Variants in GREB1 observed in about 807,000 individuals in gnomAD.
The protein encoded by GREB1 is growth regulating estrogen receptor binding 1, also known as protein GREB1.
Under a neutral mutation model 200.7 loss-of-function variants are expected in GREB1, and 106 were observed. The observed-to-expected ratio is 0.53, with a 90% CI of 0.45 to 0.62. The LOEUF (loss-of-function observed/expected upper bound fraction) is 0.62, where lower values mean the gene tolerates loss of function less well. GREB1 is among the 20% of genes least tolerant of loss of function. GREB1 has a pLI of 0.00. For synonymous variants in GREB1, 1,132 were observed against 1,092.4 expected (o/e 1.04, Z -0.72); for missense variants, 2,243 against 2,556.8 (o/e 0.88, Z 2.65).
At chr2:11,500,074 C>T (rs13018339) in intron 1 of GREB1, among the ~76,000 whole-genome samples, 73,639 of 151,940 alleles carry the variant, frequency 0.48, 18,494 homozygotes, top group East Asian at 0.66. Context: ...CTCTGCCTCC[C>T]GGGTTCGAGC....
intron 7 of GREB1, among the ~76,000 whole-genome samples, chr2:11,583,850 ACT>A (rs10560570): frequency 0.19 from 28,298 of 151,034 alleles, 3,395 homozygotes; most frequent in African/African-American, 0.35. Context: ...CAAGAGCGAG[ACT>A]CTGTCTCGAA....
intron 1 of GREB1, among the ~76,000 whole-genome samples, chr2:11,501,836 C>T (rs540678070): frequency 6.8e-6 from 1 of 147,252 alleles, no homozygotes; most frequent in East Asian, 2.0e-4. Flanking sequence ...ACTCAGAGTT[C>T]CCTTTTTATT....
At position 11,493,870 on chromosome 2, in the gene GREB1, A is replaced by T. The variant is rs1672822125; in HGVS notation, c.-159+11489A>T. ...GATGTAAGGTATTGCTGTTATCCTT[A>T]CAAATGGCTACAGACATGAGACAGG... On this transcript the variant is annotated intron_variant, in intron 1 of 2. Coordinates refer to the GREB1 transcript ENST00000628795. The surrounding 1 kb of genome is among the most constrained non-coding windows in gnomAD (Gnocchi z 4.6). Among the ~76,000 whole-genome samples the T allele has an allele frequency of 6.6e-6, 1 of 152,216 alleles. No homozygotes were observed. Among genetic ancestry groups the T allele is most frequent in the Admixed American group, 6.5e-5 (1 of 15,284 alleles).
intron 22 of GREB1, among the ~76,000 whole-genome samples, chr2:11,619,870 T>A (rs1683854877): frequency 6.6e-6 from 1 of 152,204 alleles, no homozygotes; most frequent in Non-Finnish European, 1.5e-5. Context: ...CATATTTTCC[T>A]CTGTAAAGTT....
intron 18 of GREB1, among the ~76,000 whole-genome samples, chr2:11,611,455 A>T (rs1238924338): frequency 1.3e-5 from 2 of 152,154 alleles, no homozygotes; most frequent in Non-Finnish European, 2.9e-5. Context: ...TGGAACCACC[A>T]GCGTGTGCCA....
chr2:11,537,716 TATG>T (rs966404982), intron 1 of GREB1, among the ~76,000 whole-genome samples: 130 of 147,466 alleles, frequency 8.8e-4, no homozygotes, highest in Middle Eastern at 3.6e-3. Flanking sequence ...TAGATAAATA[TATG>T]ATATTTATAT....
At chr2:11,517,754 C>T (rs1297166396) in intron 1 of GREB1, among the ~76,000 whole-genome samples, 2 of 152,134 alleles carry the variant, frequency 1.3e-5, no homozygotes, top group Non-Finnish European at 2.9e-5. Flanking sequence ...CGGGTTCATG[C>T]CATTCTCCTG....
chr2:11,582,583 C>T (rs972548067), intron 7 of GREB1, among the ~76,000 whole-genome samples: 2 of 152,196 alleles, frequency 1.3e-5, no homozygotes, highest in Admixed American at 6.5e-5. Context: ...CCCAGCCGTC[C>T]CAGGCTCAGT....
chr2:11,588,991 C>G, intron 10 of GREB1, 60 bp downstream of exon 10: 3 of 1,398,514 alleles, frequency 2.1e-6, no homozygotes, highest in Non-Finnish European at 3.0e-6. Flanking sequence ...GAGCACAGAC[C>G]TGGCCTCGGC....
intron 1 of GREB1, among the ~76,000 whole-genome samples, chr2:11,506,476 G>C (rs1673186038): frequency 6.6e-6 from 1 of 152,180 alleles, no homozygotes; most frequent in Non-Finnish European, 1.5e-5. Flanking sequence ...AGACCAGTGG[G>C]CATTTTGTTC....
chr2:11,506,695 G>T (rs1426448454), intron 1 of GREB1, among the ~76,000 whole-genome samples: 1 of 152,152 alleles, frequency 6.6e-6, no homozygotes, highest in Non-Finnish European at 1.5e-5. Flanking sequence ...TGTGTGCTAG[G>T]GATGAGATCA....
At chr2:11,503,748 T>C (rs1161205063) in intron 1 of GREB1, among the ~76,000 whole-genome samples, 1 of 152,232 alleles carries the variant, frequency 6.6e-6, no homozygotes, top group Non-Finnish European at 1.5e-5. Flanking sequence ...ATGAGATTGC[T>C]CACGTCTGGT....
At chr2:11,565,364 A>G (rs1558553158) in intron 3 of GREB1, among the ~76,000 whole-genome samples, 6 of 152,300 alleles carry the variant, frequency 3.9e-5, no homozygotes, top group Admixed American at 2.0e-4. Context: ...CCAGGGGCAC[A>G]TGGGAAACCA....
At chr2:11,516,758 C>A (rs1419367386) in intron 1 of GREB1, among the ~76,000 whole-genome samples, 1 of 152,214 alleles carries the variant, frequency 6.6e-6, no homozygotes, top group East Asian at 1.9e-4. Context: ...AGACCTGCAC[C>A]CAAGTTACCT....
At chr2:11,498,977 T>C (rs965651005) in intron 1 of GREB1, among the ~76,000 whole-genome samples, 3 of 152,160 alleles carry the variant, frequency 2.0e-5, no homozygotes, top group African/African-American at 7.2e-5. Flanking sequence ...TTTTAAAAAA[T>C]GGTTATGATT....
chr2:11,636,279 C>G lies in GREB1; in HGVS notation c.5346+874C>G, dbSNP rs73915450. ...TTGTTGTTTAATCAGGGAGAACAGA[C>G]ACCTTTACCAGGGTCTCCACCAAAG... On this transcript the variant is annotated intron_variant, in intron 30 of 32. Coordinates refer to ENST00000381486, the MANE Select transcript of GREB1 (RefSeq NM_014668.4). Among the ~76,000 whole-genome samples the G allele has an allele frequency of 9.5e-3, 1,440 of 152,354 alleles. 26 individuals carry two copies. The highest frequency in any genetic ancestry group is 0.033 in the African/African-American group (1,370 of 41,580).
At chr2:11,526,188 A>C (rs1673868934) in intron 1 of GREB1, among the ~76,000 whole-genome samples, 1 of 152,174 alleles carries the variant, frequency 6.6e-6, no homozygotes, top group Non-Finnish European at 1.5e-5. Flanking sequence ...GTTCTTCTGC[A>C]CTCATCTTTG....
At position 11,618,168 on chromosome 2, in the gene GREB1, G is replaced by GGGACGAGTCGCCCCTGAGATGGGCC; in HGVS notation, c.3413-120_3413-119insGGACGAGTCGCCCCTGAGATGGGCC. 4.4e-6 allele frequency: 3 copies of GGGACGAGTCGCCCCTGAGATGGGCC among 677,234 alleles called. 1 individual carries two copies. In the South Asian group the frequency reaches 9.9e-5, roughly 22 times the overall value. The allele number at this position is 677,234 out of a possible 1,614,324, so 42.0% of individuals were successfully genotyped here. On this transcript the variant is annotated intron_variant, in intron 21 of 32. Coordinates refer to ENST00000381486, the MANE Select transcript of GREB1 (RefSeq NM_014668.4). ...GGGACAGGTCACTCCTGGGATGGGT[G>GGGACGAGTCGCCCCTGAGATGGGCC]ACTCCTGGGACAGGTCACTCCTGGG...
chr2:11,508,887 TTTTTC>T (rs1337390277), intron 1 of GREB1, among the ~76,000 whole-genome samples: 17 of 148,416 alleles, frequency 1.1e-4, no homozygotes, highest in Admixed American at 4.7e-4. Context: ...TTTTTTTTTT[TTTTTC>T]GGGACAGAGT....
Sources: allele counts gnomAD v4.1 joint callset (sites outside exome capture counted in the v4.1 genomes callset), GRCh38; gene constraint gnomAD v4.1.1; non-coding constraint Gnocchi (gnomAD v3.1); transcripts MANE v1.5; gene names NCBI Gene and HGNC (gene_info 2026-07-23, HGNC 2026-07-21).